OSMR: variants seen among roughly 807,000 people sequenced by gnomAD.
OSMR encodes the protein oncostatin-M-specific receptor subunit beta.
Under a neutral mutation model 99.9 loss-of-function variants are expected in OSMR, and 81 were observed. That is an observed-to-expected ratio of 0.81 (90% CI 0.68 to 0.97). The LOEUF is 0.97. Ranked by LOEUF, OSMR falls within the 50% of genes least tolerant of loss-of-function variation. OSMR has a pLI of 0.00. For missense variants in OSMR, 1,099 were observed against 1,153.4 expected (o/e 0.95, Z 0.68); for synonymous variants, 406 against 410.4 (o/e 0.99, Z 0.13).
rs764796970 is a variant in OSMR at position 38,933,384 on chromosome 5, G to A, written c.2880G>A (p.Pro960=). ...AVSLRLALPP[P]TENSSLSSIT... Reference sequence around the variant, plus strand: ...CCCTGCGTCTTGCCTTGCCTCCCCCGACCGAGAATAGCAGCCTCTCCTCAA... The same window carrying A: ...CCCTGCGTCTTGCCTTGCCTCCCCCAACCGAGAATAGCAGCCTCTCCTCAA... Residue 960 remains proline, a synonymous_variant, in exon 18 of 18, where the codon CCG becomes CCA. Transcript: ENST00000274276. The A allele has an allele frequency of 3.9e-5, 63 of 1,613,796 alleles. No individual in the cohort carries two copies. The highest frequency in any genetic ancestry group is 3.3e-4 in the Admixed American group (20 of 59,986).
chr5:38,863,174 G>A lies in OSMR; in HGVS notation c.-13-5858G>A, dbSNP rs1209298991. 2.3e-3 allele frequency among the ~76,000 whole-genome samples: 284 copies of A among 123,190 alleles called. 3 individuals are homozygous for A. The highest frequency in any genetic ancestry group is 8.2e-3 in the African/African-American group (266 of 32,280). 80.8% of individuals were successfully genotyped at this position (123,190 alleles called of 152,430 possible). A position where few individuals can be genotyped will look rare whatever the true frequency, so the allele number is the denominator to read the frequency against. Reference sequence around the variant, plus strand: ...CCATGTAAAGAGGGAGAGGGAGACCGTGGGGAGAGGGAGAGGGAGAGGGGG... The same window carrying A: ...CCATGTAAAGAGGGAGAGGGAGACCATGGGGAGAGGGAGAGGGAGAGGGGG... On this transcript the variant is annotated intron_variant, in intron 1 of 17. Coordinates refer to ENST00000274276, the MANE Select transcript of OSMR (RefSeq NM_003999.3).
At chr5:38,851,840 T>A (rs992956972) in intron 1 of OSMR, among the ~76,000 whole-genome samples, 7 of 152,184 alleles carry the variant, frequency 4.6e-5, no homozygotes, top group African/African-American at 1.4e-4. Flanking sequence ...TCCCCCATAC[T>A]GTTCTCGTGG....
intron 1 of OSMR, among the ~76,000 whole-genome samples, chr5:38,942,551 T>A (rs1747688553): frequency 6.6e-6 from 1 of 150,796 alleles, no homozygotes; most frequent in African/African-American, 2.4e-5. Flanking sequence ...CCTGGGTTCA[T>A]ATGATCCTCC....
intron 1 of OSMR, among the ~76,000 whole-genome samples, chr5:38,856,146 A>G (rs1191955831): frequency 2.6e-5 from 4 of 152,176 alleles, no homozygotes; most frequent in Non-Finnish European, 5.9e-5. Context: ...GAATTTATTT[A>G]CAAGGTATAG....
intron 9 of OSMR, among the ~76,000 whole-genome samples, chr5:38,911,555 C>T (rs553202644): frequency 4.2e-4 from 64 of 152,322 alleles, no homozygotes; most frequent in African/African-American, 1.4e-3. Flanking sequence ...CTCCCTAACT[C>T]ATTCTGTGAG....
intron 6 of OSMR, 80 bp from the exon 7 acceptor site, chr5:38,885,959 C>G: frequency 1.3e-6 from 2 of 1,574,452 alleles, no homozygotes; most frequent in Non-Finnish European, 8.6e-7. Context: ...CTGAGTATGC[C>G]CTGAGGGATA....
intron 7 of OSMR, among the ~76,000 whole-genome samples, chr5:38,892,093 C>T (rs1744198241): frequency 1.3e-5 from 2 of 152,106 alleles, no homozygotes; most frequent in Admixed American, 1.3e-4. Context: ...CCCGTGCGTG[C>T]CCCCAAAAGT....
At chr5:38,878,649 G>C (rs922160552) in intron 3 of OSMR, among the ~76,000 whole-genome samples, 3 of 152,126 alleles carry the variant, frequency 2.0e-5, no homozygotes, top group African/African-American at 4.8e-5. Flanking sequence ...TTAGACTTCT[G>C]TGTAAATGTG....
intron 1 of OSMR, chr5:38,943,312 TTAAAG>T (rs1490572052): frequency 9.1e-5 from 16 of 175,522 alleles, no homozygotes; most frequent in Non-Finnish European, 1.7e-4. Context: ...AAATACATCT[TTAAAG>T]TTAAGTTATT....
intron 7 of OSMR, among the ~76,000 whole-genome samples, chr5:38,897,671 T>C (rs1744606073): frequency 6.6e-6 from 1 of 151,824 alleles, no homozygotes; most frequent in South Asian, 2.1e-4. Flanking sequence ...CTACTAACTT[T>C]GGGTTTGGTT....
At chr5:38,862,888 G>A (rs946344859) in intron 1 of OSMR, among the ~76,000 whole-genome samples, 6 of 152,090 alleles carry the variant, frequency 3.9e-5, no homozygotes, top group Admixed American at 3.9e-4. Flanking sequence ...AGCACTGAGT[G>A]AACCAGACTC....
chr5:38,894,263 G>T (rs140373487), intron 7 of OSMR, among the ~76,000 whole-genome samples: 1 of 151,918 alleles, frequency 6.6e-6, no homozygotes, highest in African/African-American at 2.4e-5. Flanking sequence ...TAAAGGAACC[G>T]CAGAATAGAA....
At position 38,933,627 on chromosome 5, in the gene OSMR, G is replaced by A. The variant is rs1391299682; in HGVS notation, c.*183G>A. ...CTATGGAACTTAACACTCCCCATTGGAGCAAGCTTGCCCTAGAGACGGCAG... is the reference window on the plus strand; with the variant it reads ...CTATGGAACTTAACACTCCCCATTGAAGCAAGCTTGCCCTAGAGACGGCAG... On this transcript the variant is annotated 3_prime_UTR_variant, in exon 18 of 18. Transcript: ENST00000274276. 3.1e-6 allele frequency: 2 copies of A among 638,270 alleles called. No homozygotes were observed. Among genetic ancestry groups the A allele is most frequent in the Non-Finnish European group, 5.5e-6 (2 of 364,040 alleles). The allele number at this position is 638,270 out of a possible 1,614,324, so 39.5% of individuals were successfully genotyped here. A position where few individuals can be genotyped will look rare whatever the true frequency, so the allele number is the denominator to read the frequency against.
At chr5:38,916,825 A>G (rs1015866945) in intron 9 of OSMR, among the ~76,000 whole-genome samples, 2 of 152,156 alleles carry the variant, frequency 1.3e-5, no homozygotes, top group Non-Finnish European at 2.9e-5. Context: ...AACGGTTTGT[A>G]GAGCTTTCAC....
At position 38,909,894 on chromosome 5, in the gene OSMR, G is replaced by A. The variant is rs140688823; in HGVS notation, c.1285+5391G>A. The stretch of plus-strand genomic sequence containing the variant: ...ACATACCAGTATTAAACTTGAATGC[G>A]CACAGGTTACATGCCCCAATTAAAA... On this transcript the variant is annotated intron_variant, in intron 9 of 17. Coordinates refer to ENST00000274276, the MANE Select transcript of OSMR (RefSeq NM_003999.3). 2.0e-3 allele frequency among the ~76,000 whole-genome samples: 310 copies of A among 152,230 alleles called. 2 individuals carry two copies. Among genetic ancestry groups the A allele is most frequent in the South Asian group, 0.011 (53 of 4,814 alleles).
At position 38,934,143 on chromosome 5, in the gene OSMR, A is replaced by G. The variant is rs1385739258; in HGVS notation, c.*699A>G. ...GGGATTGGCAAGTAACTTCTGACTT[A>G]CTGTCAGTTGTACTTCTGCTCCATA... On this transcript the variant is annotated 3_prime_UTR_variant, in exon 18 of 18. Coordinates refer to ENST00000274276, the MANE Select transcript of OSMR (RefSeq NM_003999.3). 1 of 152,676 alleles carries G rather than the reference A, an allele frequency of 6.5e-6. No homozygotes were observed. The highest frequency in any genetic ancestry group is 1.5e-5 in the Non-Finnish European group (1 of 68,066). The allele number at this position is 152,676 out of a possible 1,614,324, so 9.5% of individuals were successfully genotyped here. A position where few individuals can be genotyped will look rare whatever the true frequency, so the allele number is the denominator to read the frequency against.
rs76399734 is a variant in OSMR at position 38,931,023 on chromosome 5, C to T, written c.2213-860C>T. Among the ~76,000 whole-genome samples, 682 of 149,492 alleles carry T rather than the reference C, an allele frequency of 4.6e-3. 8 individuals carry two copies. The highest frequency in any genetic ancestry group is 0.014 in the African/African-American group (578 of 40,668). On this transcript the variant is annotated intron_variant, in intron 15 of 17. Coordinates refer to ENST00000274276, the MANE Select transcript of OSMR (RefSeq NM_003999.3). ...TTTTCGTAGTGTTTTTTGTTATCTGCGTGGCCTTCCCAGCTCTATTTGTCA... is the reference window on the plus strand; with the variant it reads ...TTTTCGTAGTGTTTTTTGTTATCTGTGTGGCCTTCCCAGCTCTATTTGTCA...
At chr5:38,925,435 G>T in intron 15 of OSMR, 64 bp downstream of exon 15, 1 of 1,403,262 alleles carries the variant, frequency 7.1e-7, no homozygotes, top group Non-Finnish European at 1.0e-6. Flanking sequence ...AATTACAGAA[G>T]TGTTGACTTA....
chr5:38,898,948 A>ATATT, intron 7 of OSMR, among the ~76,000 whole-genome samples: 1 of 108,982 alleles, frequency 9.2e-6, no homozygotes, highest in African/African-American at 4.1e-5. Flanking sequence ...TTTACATAAT[A>ATATT]TCTTTTTTTT....
Sources: allele counts gnomAD v4.1 joint callset (sites outside exome capture counted in the v4.1 genomes callset), GRCh38; gene constraint gnomAD v4.1.1; transcripts MANE v1.5; gene names NCBI Gene and HGNC (gene_info 2026-07-23, HGNC 2026-07-21).